The following CCDC146 variants were observed in gnomAD, a reference collection of about 807,000 sequenced individuals.
CCDC146 encodes coiled-coil domain containing 146.
In CCDC146, 92 loss-of-function variants were observed where a neutral mutation model predicts 119.3. The observed-to-expected ratio is 0.77, with a 90% CI of 0.65 to 0.92. The LOEUF is 0.92. Ranked by LOEUF, CCDC146 falls within the 40% of genes least tolerant of loss-of-function variation. The pLI is 0.00. For synonymous variants in CCDC146, 372 were observed against 371.8 expected (o/e 1.00, Z -0.01); for missense variants, 1,000 against 1,103.0 (o/e 0.91, Z 1.32).
chr7:77,191,660 G>A (rs1444887742), intron 2 of CCDC146, among the ~76,000 whole-genome samples: 1 of 152,050 alleles, frequency 6.6e-6, no homozygotes, highest in Non-Finnish European at 1.5e-5. Flanking sequence ...TGTAATCCCA[G>A]CACTTTGGGA....
At chr7:77,234,879 G>T (rs1429469520) in intron 2 of CCDC146, among the ~76,000 whole-genome samples, 1 of 152,032 alleles carries the variant, frequency 6.6e-6, no homozygotes, top group African/African-American at 2.4e-5. Context: ...AATAATGAGG[G>T]TTGTAGGGAT....
chr7:77,193,786 T>C (rs1388705877), intron 2 of CCDC146: 1 of 152,454 alleles, frequency 6.6e-6, no homozygotes, highest in African/African-American at 2.4e-5. Flanking sequence ...ACCTCAGAAA[T>C]AGTCTTAATT....
chr7:77,278,123 G>A (rs1793685356), intron 11 of CCDC146, among the ~76,000 whole-genome samples: 1 of 152,030 alleles, frequency 6.6e-6, no homozygotes, highest in Non-Finnish European at 1.5e-5. Context: ...CACCACAGAG[G>A]GTTCAGTTTA....
intron 10 of CCDC146, among the ~76,000 whole-genome samples, 174 bp downstream of exon 10, chr7:77,273,963 T>G (rs1378181180): frequency 1.3e-5 from 2 of 152,174 alleles, no homozygotes; most frequent in Non-Finnish European, 2.9e-5. Flanking sequence ...ACACTAAATT[T>G]GAGAAAAAAG....
chr7:77,219,949 G>A (rs1248057517), intron 2 of CCDC146, among the ~76,000 whole-genome samples: 1 of 152,190 alleles, frequency 6.6e-6, no homozygotes, highest in Admixed American at 6.5e-5. Flanking sequence ...CAAGTCCAGG[G>A]CGAAACTAGA....
chr7:77,168,270 G>A (rs534920411), intron 2 of CCDC146, among the ~76,000 whole-genome samples: 1 of 152,020 alleles, frequency 6.6e-6, no homozygotes, highest in Admixed American at 6.6e-5. Context: ...AAGCAAAAAG[G>A]GGAATATGAT....
At chr7:77,207,425 G>A (rs952513438) in intron 2 of CCDC146, among the ~76,000 whole-genome samples, 1 of 152,074 alleles carries the variant, frequency 6.6e-6, no homozygotes, top group African/African-American at 2.4e-5. Context: ...TTTTCTGCTT[G>A]TGTATTTAAC....
At chr7:77,253,385 C>G (rs946567138) in intron 4 of CCDC146, among the ~76,000 whole-genome samples, 1 of 152,228 alleles carries the variant, frequency 6.6e-6, no homozygotes, top group African/African-American at 2.4e-5. Flanking sequence ...CTTCTTCACA[C>G]CTTTGAACAA....
At chr7:77,199,719 A>G in intron 2 of CCDC146, 1 of 1,613,968 alleles carries the variant, frequency 6.2e-7, no homozygotes, top group Non-Finnish European at 8.5e-7. Context: ...CCTCTGTTTC[A>G]TTGTTTGCCA....
At chr7:77,208,237 G>A (rs1792115269) in intron 2 of CCDC146, among the ~76,000 whole-genome samples, 1 of 152,300 alleles carries the variant, frequency 6.6e-6, no homozygotes, top group East Asian at 1.9e-4. Context: ...CACAAAGGTG[G>A]CACAGTATCT....
At chr7:77,153,489 GAACA>G (rs1335517755) in intron 1 of CCDC146, among the ~76,000 whole-genome samples, 1 of 144,630 alleles carries the variant, frequency 6.9e-6, no homozygotes, top group Non-Finnish European at 1.5e-5. Flanking sequence ...CAAAGCATCT[GAACA>G]AACATTTCAC....
chr7:77,294,501 T>TGTGTGTG (rs1341241914), intron 18 of CCDC146, among the ~76,000 whole-genome samples, 162 bp from the exon 19 acceptor site: 1 of 148,420 alleles, frequency 6.7e-6, no homozygotes, highest in Non-Finnish European at 1.5e-5. Flanking sequence ...TGTGTGTGTG[T>TGTGTGTG]GTGTGGTGTG....
At chr7:77,140,191 G>A (rs71555963) in intron 1 of CCDC146, among the ~76,000 whole-genome samples, 18,162 of 151,434 alleles carry the variant, frequency 0.12, 1,384 homozygotes, top group East Asian at 0.2. Flanking sequence ...CACCGTTCCC[G>A]GCCAATCAGT....
intron 2 of CCDC146, among the ~76,000 whole-genome samples, chr7:77,211,687 C>T (rs1792187569): frequency 6.6e-6 from 1 of 152,094 alleles, no homozygotes; most frequent in African/African-American, 2.4e-5. Context: ...GTGATCTCAG[C>T]TCACTGTAAC....
chr7:77,127,045 G>A (rs1269037960), intron 1 of CCDC146, among the ~76,000 whole-genome samples: 3 of 152,122 alleles, frequency 2.0e-5, no homozygotes, highest in Non-Finnish European at 2.9e-5. Flanking sequence ...GTCAGGCAGC[G>A]GGAGCAGACA....
In CCDC146 at chr7:77,199,467, T is replaced by G. The variant is rs745368511; in HGVS notation, c.156+31643T>G. On this transcript the variant is annotated intron_variant, in intron 2 of 18. Transcript: ENST00000285871. ...TGGGTAACAACAGTCCGTTTCTGCC[T>G]GGGTCTCCGTTGTCATCAGCCTGCA... 3 of 1,614,034 alleles carry G rather than the reference T, an allele frequency of 1.9e-6. No homozygotes were observed. The East Asian group carries it at 6.7e-5, about 36-fold the overall frequency.
intron 2 of CCDC146, among the ~76,000 whole-genome samples, chr7:77,230,878 T>G (rs1792614026): frequency 6.6e-6 from 1 of 152,218 alleles, no homozygotes; most frequent in African/African-American, 2.4e-5. Flanking sequence ...AATCTGTTTG[T>G]GTGTCTTCAT....
At chr7:77,220,028 G>C (rs191635761) in intron 2 of CCDC146, among the ~76,000 whole-genome samples, 1 of 152,238 alleles carries the variant, frequency 6.6e-6, no homozygotes, top group Non-Finnish European at 1.5e-5. Context: ...CAGGAAACAG[G>C]GTTCAAGAGC....
chr7:77,212,757 T>A (rs1412543167), intron 2 of CCDC146, among the ~76,000 whole-genome samples: 1 of 151,962 alleles, frequency 6.6e-6, no homozygotes, highest in Non-Finnish European at 1.5e-5. Flanking sequence ...AGCCTGTAAG[T>A]GTCATTAGCA....
Sources: allele counts gnomAD v4.1 joint callset (sites outside exome capture counted in the v4.1 genomes callset), GRCh38; gene constraint gnomAD v4.1.1; transcripts MANE v1.5; gene names NCBI Gene and HGNC (gene_info 2026-07-23, HGNC 2026-07-21).